The following GRIN2A variants were observed in gnomAD, a reference collection of about 807,000 sequenced individuals.
GRIN2A encodes glutamate ionotropic receptor NMDA type subunit 2A, also known as glutamate receptor ionotropic, NMDA 2A.
GRIN2A carries 22 observed loss-of-function variants against 113.4 expected under a neutral mutation model. That is an observed-to-expected ratio of 0.19 (90% CI 0.14 to 0.28). The LOEUF is 0.28. Ranked by LOEUF, GRIN2A falls within the 10% of genes least tolerant of loss-of-function variation. GRIN2A has a pLI of 1.00. For missense variants in GRIN2A, 1,502 were observed against 1,887.0 expected (o/e 0.80, Z 3.78); for synonymous variants, 827 against 738.4 (o/e 1.12, Z -1.94).
chr16:10,044,326 C>G (rs1452829949), intron 2 of GRIN2A, among the ~76,000 whole-genome samples: 1 of 151,968 alleles, frequency 6.6e-6, no homozygotes, highest in Non-Finnish European at 1.5e-5. Flanking sequence ...GCCACCACAC[C>G]TGGCCTGCAA....
intron 2 of GRIN2A, among the ~76,000 whole-genome samples, chr16:10,170,056 T>C (rs1314699986): frequency 6.6e-6 from 1 of 152,156 alleles, no homozygotes; most frequent in East Asian, 1.9e-4. Flanking sequence ...TGAATCACCC[T>C]AGATATGGGA....
chr16:9,936,716 T>A (rs147986543), intron 3 of GRIN2A, among the ~76,000 whole-genome samples: 3 of 152,292 alleles, frequency 2.0e-5, no homozygotes, highest in East Asian at 3.9e-4. Flanking sequence ...TGCGGTTCTG[T>A]GAGTAATGTT....
intron 10 of GRIN2A, among the ~76,000 whole-genome samples, chr16:9,811,652 G>A (rs562864172): frequency 2.0e-5 from 3 of 152,166 alleles, no homozygotes; most frequent in African/African-American, 4.8e-5. Context: ...CCCAGTACTC[G>A]GGATGCTGAG....
intron 10 of GRIN2A, among the ~76,000 whole-genome samples, chr16:9,817,082 A>G (rs555797601): frequency 6.6e-6 from 1 of 152,308 alleles, no homozygotes; most frequent in South Asian, 2.1e-4. Context: ...AGTAAAACTT[A>G]GCTTTCAAGT....
chr16:10,030,867 C>A (rs1416287062), intron 2 of GRIN2A, among the ~76,000 whole-genome samples: 2 of 152,130 alleles, frequency 1.3e-5, no homozygotes, highest in Admixed American at 6.5e-5. Flanking sequence ...GTCAAAGTGC[C>A]CACATTCTAG....
chr16:9,917,326 G>T (rs1300507906), intron 3 of GRIN2A, among the ~76,000 whole-genome samples: 1 of 152,160 alleles, frequency 6.6e-6, no homozygotes, highest in Non-Finnish European at 1.5e-5. Flanking sequence ...AACCCCAGGG[G>T]TCATGCTCTG....
intron 2 of GRIN2A, among the ~76,000 whole-genome samples, chr16:9,944,363 G>T (rs1275692538): frequency 6.6e-6 from 1 of 151,960 alleles, no homozygotes; most frequent in Non-Finnish European, 1.5e-5. Flanking sequence ...GCATTCTCAC[G>T]TGCACATAAG....
At chr16:9,805,317 A>G (rs1358997607) in intron 10 of GRIN2A, among the ~76,000 whole-genome samples, 1 of 152,208 alleles carries the variant, frequency 6.6e-6, no homozygotes, top group African/African-American at 2.4e-5. Flanking sequence ...GGCTAATTAT[A>G]TAGTTAAAGT....
At chr16:10,127,235 A>G (rs72776047) in intron 2 of GRIN2A, among the ~76,000 whole-genome samples, 2 of 152,152 alleles carry the variant, frequency 1.3e-5, no homozygotes, top group African/African-American at 4.8e-5. Flanking sequence ...TTGAAAAAAA[A>G]AAAAATCCAC....
At chr16:9,913,719 C>CAA (rs2044188468) in intron 3 of GRIN2A, among the ~76,000 whole-genome samples, 1 of 152,162 alleles carries the variant, frequency 6.6e-6, no homozygotes, top group South Asian at 2.1e-4. Context: ...CTTCACTCAT[C>CAA]AAAACACTCT....
intron 3 of GRIN2A, among the ~76,000 whole-genome samples, chr16:9,913,290 C>T (rs1413392742): frequency 6.6e-6 from 1 of 152,198 alleles, no homozygotes; most frequent in Non-Finnish European, 1.5e-5. Context: ...TCTCATAAGA[C>T]ACATAGTAGA....
At chr16:9,822,855 G>A (rs985576151) in intron 9 of GRIN2A, among the ~76,000 whole-genome samples, 6 of 152,088 alleles carry the variant, frequency 3.9e-5, no homozygotes, top group African/African-American at 1.4e-4. Context: ...AATTTTCTGT[G>A]ATCTCCACCA....
At chr16:10,041,428 T>A (rs991061837) in intron 2 of GRIN2A, among the ~76,000 whole-genome samples, 2 of 152,176 alleles carry the variant, frequency 1.3e-5, no homozygotes, top group African/African-American at 4.8e-5. Context: ...CTGTACCTAC[T>A]CCCTGAAGCT....
Position 10,123,436 on chromosome 16 carries a change from G to T in GRIN2A, c.414+56562C>A, listed in dbSNP as rs150354203. On this transcript the variant is annotated intron_variant, in intron 2 of 12. Transcript: ENST00000330684. ...GTCATCACTAATTCCCTCAAGCAAA[G>T]GAACAGCTCCTCGTTGATGCCATAG... 5.3e-5 allele frequency among the ~76,000 whole-genome samples: 8 copies of T among 152,198 alleles called. No homozygotes were observed. In the East Asian group the frequency reaches 1.2e-3, roughly 22 times the overall value.
intron 4 of GRIN2A, among the ~76,000 whole-genome samples, chr16:9,867,901 C>G (rs1240316787): frequency 6.6e-6 from 1 of 152,126 alleles, no homozygotes; most frequent in African/African-American, 2.4e-5. Context: ...TGCCTTTCCC[C>G]CATTCTTCTC....
chr16:10,035,230 T>C (rs926947229), intron 2 of GRIN2A, among the ~76,000 whole-genome samples: 7 of 152,132 alleles, frequency 4.6e-5, no homozygotes, highest in Non-Finnish European at 1.0e-4. Flanking sequence ...CTTGCTATAT[T>C]GCTCACTCTG....
chr16:10,148,891 A>G (rs2049503121), intron 2 of GRIN2A, among the ~76,000 whole-genome samples: 1 of 152,262 alleles, frequency 6.6e-6, no homozygotes, highest in Non-Finnish European at 1.5e-5. Flanking sequence ...TCAGCCATAA[A>G]AAGAATAAGA....
intron 4 of GRIN2A, among the ~76,000 whole-genome samples, chr16:9,867,285 T>C (rs2043176489): frequency 6.6e-6 from 1 of 152,120 alleles, no homozygotes; most frequent in Non-Finnish European, 1.5e-5. Context: ...AATCTTTCCT[T>C]TTTCCTAATT....
chr16:9,882,923 G>T (rs775778480), intron 4 of GRIN2A, among the ~76,000 whole-genome samples: 14 of 152,214 alleles, frequency 9.2e-5, no homozygotes, highest in Non-Finnish European at 2.1e-4. Context: ...GGTAGGAGGA[G>T]GAACTCCCTA....
Sources: allele counts gnomAD v4.1 joint callset (sites outside exome capture counted in the v4.1 genomes callset), GRCh38; gene constraint gnomAD v4.1.1; transcripts MANE v1.5; gene names NCBI Gene and HGNC (gene_info 2026-07-23, HGNC 2026-07-21).